The following PIK3R6 variants were observed in gnomAD, a reference collection of about 807,000 sequenced individuals.
PIK3R6 encodes the protein phosphoinositide 3-kinase regulatory subunit 6.
A neutral mutation model predicts 84.9 loss-of-function variants in PIK3R6; 91 were observed. The ratio of observed to expected loss-of-function variants is 1.07; its 90% CI spans 0.90 to 1.28. The LOEUF (loss-of-function observed/expected upper bound fraction) is 1.28, where lower values mean the gene tolerates loss of function less well. Among genes scored for constraint, PIK3R6 ranks in the 50% most tolerant of loss-of-function variants. The pLI is 0.00. For synonymous variants in PIK3R6, 416 were observed against 411.4 expected (o/e 1.01, Z -0.13); for missense variants, 996 against 985.1 (o/e 1.01, Z -0.15).
rs1198130262 is a variant in PIK3R6 at position 8,867,648 on chromosome 17, G to T, written c.-211C>A. The stretch of plus-strand genomic sequence containing the variant: ...TGGGGGAGCCTCCACGGGTGTCTGT[G>T]GTCTTGACTGTGCTCTTCAGATCTG... On this transcript the variant is annotated 5_prime_UTR_variant, in exon 1 of 20. Transcript: ENST00000619866. 2.1e-6 allele frequency: 1 copy of T among 483,674 alleles called. No homozygotes were observed. The highest frequency in any genetic ancestry group is 4.2e-6 in the Non-Finnish European group (1 of 239,040). 30.0% of individuals were successfully genotyped at this position (483,674 alleles called of 1,614,324 possible). A position where few individuals can be genotyped will look rare whatever the true frequency, so the allele number is the denominator to read the frequency against.
intron 2 of PIK3R6, among the ~76,000 whole-genome samples, chr17:8,840,046 GA>G (rs911837062): frequency 1.5e-4 from 22 of 151,346 alleles, no homozygotes; most frequent in African/African-American, 5.3e-4. Context: ...ATATATATGT[GA>G]AATGTATATA....
At chr17:8,856,742 C>T (rs2089150810) in intron 1 of PIK3R6, among the ~76,000 whole-genome samples, 2 of 152,258 alleles carry the variant, frequency 1.3e-5, no homozygotes, top group South Asian at 4.1e-4. Context: ...AGTGATATTA[C>T]TTACCCATAA....
chr17:8,825,973 T>C (rs1416085432), intron 13 of PIK3R6, among the ~76,000 whole-genome samples: 1 of 152,186 alleles, frequency 6.6e-6, no homozygotes, highest in African/African-American at 2.4e-5. Context: ...AAAAGATGAG[T>C]TCCCTCCCCA....
chr17:8,822,923 G>T, intron 15 of PIK3R6, 73 bp downstream of exon 15: 2 of 1,258,996 alleles, frequency 1.6e-6, no homozygotes, highest in South Asian at 1.2e-5. Context: ...ATCATCAGGT[G>T]AGAGGTGGAA....
intron 18 of PIK3R6, among the ~76,000 whole-genome samples, chr17:8,808,642 G>A (rs1023367588): frequency 6.6e-6 from 1 of 152,184 alleles, no homozygotes; most frequent in African/African-American, 2.4e-5. Flanking sequence ...TTAGTTCAAT[G>A]CAGGAGTCAA....
rs770452119 is a variant in PIK3R6, at chr17:8,803,384, C to T, written c.2154G>A (p.Lys718=). ...PCPEPCSGAQ[K]SKAPWLNLHG... ...GCAAATTGAGCCACGGTGCCTTGGA[C>T]TTCTGGGCCCCAGAACATGGTTCTG... The change falls in exon 20 of 20, where the codon AAG becomes AAA. Residue 718 remains lysine (K), a synonymous_variant. Transcript: ENST00000619866. The surrounding 1 kb of genome is among the most constrained non-coding windows in gnomAD (Gnocchi z 5.0). 1.9e-6 allele frequency: 3 copies of T among 1,613,258 alleles called. No individual in the cohort carries two copies. Among genetic ancestry groups the T allele is most frequent in the South Asian group, 1.1e-5 (1 of 90,990 alleles).
At position 8,828,023 on chromosome 17, in the gene PIK3R6, G is replaced by A. The variant is rs1420986129; in HGVS notation, c.1392+89C>T. On this transcript the variant is annotated intron_variant, in intron 12 of 19. Coordinates refer to ENST00000619866, the MANE Select transcript of PIK3R6 (RefSeq NM_001010855.4). The stretch of plus-strand genomic sequence containing the variant: ...GGATGCTTACTCTAGTCCCTGAGCC[G>A]GGGATGTGGGGGATGCGGGGCTGCA... 15 of 1,349,042 alleles carry A rather than the reference G, an allele frequency of 1.1e-5. 1 individual carries two copies. Among genetic ancestry groups the A allele is most frequent in the Middle Eastern group, 4.2e-4 (2 of 4,738 alleles). The allele number at this position is 1,349,042 out of a possible 1,614,324, so 83.6% of individuals were successfully genotyped here.
intron 10 of PIK3R6, 82 bp from the exon 11 acceptor site, chr17:8,829,072 G>A: frequency 7.7e-7 from 1 of 1,293,228 alleles, no homozygotes; most frequent in Non-Finnish European, 1.0e-6. Flanking sequence ...CTCTTCAGAG[G>A]ATACACACAC....
intron 12 of PIK3R6, among the ~76,000 whole-genome samples, chr17:8,827,763 GGAGAGAGAGAGAGAGAGAGA>G (rs199969342): frequency 0.011 from 382 of 34,830 alleles, 5 homozygotes; most frequent in African/African-American, 0.039. Flanking sequence ...GAGAGAGAGA[GGAGAGAGAGAGAGAGAGAGA>G]GAGAGAGAGA....
chr17:8,832,836 T>G lies in PIK3R6; in HGVS notation c.802+53A>C, dbSNP rs560187251. ...CTCTCTGGCGCCCCCTGCTGTGCAG[T>G]GAGCTGCCCCCGCGGGACTCTTGCC... is the stretch of plus-strand genomic sequence containing the variant. On this transcript the variant is annotated intron_variant, in intron 9 of 19. Transcript: ENST00000619866. 2.5e-3 allele frequency: 4,067 copies of G among 1,608,632 alleles called. 8 individuals are homozygous for G. The highest frequency in any genetic ancestry group is 2.6e-3 in the Non-Finnish European group (3,035 of 1,178,294).
intron 18 of PIK3R6, among the ~76,000 whole-genome samples, chr17:8,814,047 C>T (rs1315621004): frequency 6.6e-6 from 1 of 152,068 alleles, no homozygotes; most frequent in Non-Finnish European, 1.5e-5. Flanking sequence ...GAGGCAGGAG[C>T]CCAGAGGACT....
intron 4 of PIK3R6, 33 bp downstream of exon 4, chr17:8,838,531 C>A: frequency 1.3e-6 from 2 of 1,559,974 alleles, no homozygotes; most frequent in South Asian, 1.2e-5. Flanking sequence ...TTCCTTTCAT[C>A]CCCGTCTTCC....
intron 18 of PIK3R6, among the ~76,000 whole-genome samples, chr17:8,805,088 G>A (rs2087163596): frequency 6.6e-6 from 1 of 152,124 alleles, no homozygotes; most frequent in South Asian, 2.1e-4. Context: ...AACTTTTAGG[G>A]GATGGGGGTA....
chr17:8,866,896 C>T (rs2089425680), intron 1 of PIK3R6, among the ~76,000 whole-genome samples: 3 of 152,258 alleles, frequency 2.0e-5, no homozygotes, highest in African/African-American at 7.2e-5. Context: ...GAGACCAGGC[C>T]TCGGTCAGAC....
chr17:8,822,499 C>T, intron 16 of PIK3R6, 88 bp downstream of exon 16: 1 of 1,443,156 alleles, frequency 6.9e-7, no homozygotes, highest in Non-Finnish European at 9.7e-7. Context: ...CTTCCTTTGG[C>T]TCTATCTGCT....
chr17:8,828,179 G>A lies in PIK3R6; in HGVS notation c.1325C>T (p.Thr442Ile). ...QAYHRLRKRE[T>I]QKFCLTPRLS... ...TCTGGGAGTGAGGCAGAACTTCTGG[G>A]TCTCCCGTTTCCTAGCAATGGGCAG... Residue 442 changes from threonine to isoleucine, a missense_variant, in exon 12 of 20, where the codon ACC (threonine) becomes ATC (isoleucine). By Grantham distance (89) the Thr-to-Ile change is moderately conservative. Coordinates refer to ENST00000619866, the MANE Select transcript of PIK3R6 (RefSeq NM_001010855.4). 2 of 1,613,978 alleles carry A rather than the reference G, an allele frequency of 1.2e-6. No homozygotes were observed. Among genetic ancestry groups the A allele is most frequent in the Non-Finnish European group, 1.7e-6 (2 of 1,179,864 alleles).
chr17:8,819,278 G>C, intron 17 of PIK3R6, 80 bp from the exon 18 acceptor site: 4 of 1,087,494 alleles, frequency 3.7e-6, no homozygotes, highest in Non-Finnish European at 5.3e-6. Flanking sequence ...AGATCTCCAG[G>C]AACCCATCTT....
chr17:8,838,287 T>C (rs1443193186), intron 4 of PIK3R6: 2 of 466,142 alleles, frequency 4.3e-6, no homozygotes, highest in Admixed American at 7.3e-5. Context: ...TATTTATGTT[T>C]ATAGGTACCT....
intron 10 of PIK3R6, among the ~76,000 whole-genome samples, chr17:8,829,240 CACAT>C (rs1196630116): frequency 1.3e-5 from 2 of 151,084 alleles, no homozygotes; most frequent in African/African-American, 2.5e-5. Flanking sequence ...CACACTGAAA[CACAT>C]GCATGCACGC....
Sources: allele counts gnomAD v4.1 joint callset (sites outside exome capture counted in the v4.1 genomes callset), GRCh38; gene constraint gnomAD v4.1.1; non-coding constraint Gnocchi (gnomAD v3.1); transcripts MANE v1.5; gene names NCBI Gene and HGNC (gene_info 2026-07-23, HGNC 2026-07-21).